OPA3: variants seen among roughly 807,000 people sequenced by gnomAD.
OPA3 encodes optic atrophy 3 protein.
Under a neutral mutation model 4.0 loss-of-function variants are expected in OPA3, and 6 were observed. The observed-to-expected ratio is 1.51, with a 90% CI of 0.83 to 2.99. The LOEUF is 2.99. OPA3 is among the 30% of genes most tolerant of loss of function. OPA3 has a pLI of 0.00. For missense variants in OPA3, 235 were observed against 256.2 expected, an observed-to-expected ratio of 0.92 and a Z score of 0.56; for synonymous variants, 105 against 117.1, an observed-to-expected ratio of 0.90 and a Z score of 0.67.
chr19:45,552,018 G>A lies in OPA3; in HGVS notation c.*1496C>T, dbSNP rs938973035. 6 of 985,508 alleles carry A rather than the reference G, an allele frequency of 6.1e-6. No homozygotes were observed. The highest frequency in any genetic ancestry group is 7.2e-6 in the Non-Finnish European group (6 of 830,124). 61.0% of individuals were successfully genotyped at this position (985,508 alleles called of 1,614,324 possible). ...GGGGCTGAGGCTGAAGGACAGGCTG[G>A]ATTAGCCCTAGTTAGGATCAAATTT... On this transcript the variant is annotated 3_prime_UTR_variant, in exon 2 of 2. Coordinates refer to ENST00000263275, the MANE Select transcript of OPA3 (RefSeq NM_025136.4).
At chr19:45,529,236 C>T (rs1437503815) in exon 2 of OPA3, 1 of 1,613,212 alleles carries the variant, frequency 6.2e-7, no homozygotes. Context: ...CGCCCCGCAG[C>T]GCCTCCCTGG....
downstream of OPA3, among the ~76,000 whole-genome samples, chr19:45,544,469 G>A (rs948251468): frequency 4.6e-5 from 7 of 152,144 alleles, no homozygotes; most frequent in Admixed American, 2.6e-4. Context: ...AGACCAGCCT[G>A]GCCAACACGA....
intron 1 of OPA3, among the ~76,000 whole-genome samples, chr19:45,565,022 C>A (rs917565088): frequency 6.7e-6 from 1 of 148,922 alleles, no homozygotes; most frequent in Non-Finnish European, 1.5e-5. Flanking sequence ...GTCAAGAGAT[C>A]GAGACCATCC....
In OPA3 at chr19:45,551,284, T is replaced by A. The variant is rs1394808809; in HGVS notation, c.*2230A>T. On this transcript the variant is annotated 3_prime_UTR_variant, in exon 2 of 2. Coordinates refer to ENST00000263275, the MANE Select transcript of OPA3 (RefSeq NM_025136.4). ...CCTGGACGCCAGCGTACTCTTGGGGTGAGGAGGAATAGTGGGCTGAATGGC... is the reference window on the plus strand; with the variant it reads ...CCTGGACGCCAGCGTACTCTTGGGGAGAGGAGGAATAGTGGGCTGAATGGC... 1 of 152,590 alleles carries A rather than the reference T, an allele frequency of 6.6e-6. No homozygotes were observed. The highest frequency in any genetic ancestry group is 1.5e-5 in the Non-Finnish European group (1 of 68,454). 9.5% of individuals were successfully genotyped at this position (152,590 alleles called of 1,614,324 possible).
chr19:45,540,440 AGCCCCAGCTACTT>A (rs1969171813), intron 1 of OPA3, among the ~76,000 whole-genome samples: 1 of 151,196 alleles, frequency 6.6e-6, no homozygotes, highest in Non-Finnish European at 1.5e-5. Flanking sequence ...TCATACCTGT[AGCCCCAGCTACTT>A]GGGGGGTTGA....
At chr19:45,572,397 T>C (rs1396881440) in intron 1 of OPA3, among the ~76,000 whole-genome samples, 2 of 112,382 alleles carry the variant, frequency 1.8e-5, no homozygotes, top group African/African-American at 3.5e-5. Context: ...TATATCAACA[T>C]ATGAGATTAT....
chr19:45,542,721 G>C (rs1032763546), downstream of OPA3, among the ~76,000 whole-genome samples: 9 of 149,028 alleles, frequency 6.0e-5, no homozygotes, highest in Non-Finnish European at 1.3e-4. Context: ...CCAGGCTAGA[G>C]GGCAGGCAGT....
rs1969027809 is a variant in OPA3, at chr19:45,529,090, GGCGGCGGGTC to G, written c.499_508del (p.Asp167LeufsTer46). ...GGACGCCGGCGCAACTGGGGGTGCA[GGCGGCGGGTC>G]TCGGAGGCAGAGGTGGGCTCGCACC... On this transcript the variant is annotated frameshift_variant, in exon 2 of 2. Transcript: ENST00000323060. LOFTEE classifies it low-confidence loss of function (END_TRUNC). 1 of 1,600,678 alleles carries G rather than the reference GGCGGCGGGTC, an allele frequency of 6.2e-7. No homozygotes were observed. The highest frequency in any genetic ancestry group is 1.7e-5 in the Admixed American group (1 of 59,300).
chr19:45,579,941 G>A (rs954628596), intron 1 of OPA3, among the ~76,000 whole-genome samples: 1 of 151,588 alleles, frequency 6.6e-6, no homozygotes, highest in Non-Finnish European at 1.5e-5. Context: ...ACCAGTCTGG[G>A]TAGGGATTCA....
chr19:45,544,874 T>C (rs1969228108), downstream of OPA3, among the ~76,000 whole-genome samples: 3 of 151,368 alleles, frequency 2.0e-5, no homozygotes, highest in Admixed American at 1.3e-4. Flanking sequence ...TCCCAGCTAC[T>C]TGGGAGGCTG....
intron 1 of OPA3, among the ~76,000 whole-genome samples, chr19:45,574,810 C>A (rs1568410128): frequency 1.3e-5 from 2 of 152,158 alleles, no homozygotes; most frequent in Non-Finnish European, 2.9e-5. Flanking sequence ...CTTAAATAAC[C>A]TGCAGCTTCT....
At chr19:45,536,373 G>A (rs564689093) in intron 1 of OPA3, among the ~76,000 whole-genome samples, 81 of 151,780 alleles carry the variant, frequency 5.3e-4, no homozygotes, top group Non-Finnish European at 7.7e-4. Context: ...GCAAAACCCC[G>A]TCTCTACTAA....
rs1221425042 is a variant in OPA3 at position 45,558,704 on chromosome 19, A to G, written c.143-4793T>C. Among the ~76,000 whole-genome samples, 4 of 151,246 alleles carry G rather than the reference A, an allele frequency of 2.6e-5. No homozygotes were observed. In the South Asian group the frequency reaches 8.4e-4, roughly 32 times the overall value. ...TACAGGGGATTTGTATGCAGTTTTTATTATTCTATGTTCTGCTGTTTTTTT... is the reference window on the plus strand; with the variant it reads ...TACAGGGGATTTGTATGCAGTTTTTGTTATTCTATGTTCTGCTGTTTTTTT... On this transcript the variant is annotated intron_variant, in intron 1 of 1. Transcript: ENST00000263275.
At position 45,550,219 on chromosome 19, in the gene OPA3, G is replaced by C. The variant is rs1969311980; in HGVS notation, c.*3295C>G. On this transcript the variant is annotated 3_prime_UTR_variant, in exon 2 of 2. Transcript: ENST00000263275. ...AGAAAAGTTTCAGAACCTGTTTCTT[G>C]GCTTTCTATCTGGGCAGATCTTGGT... 5.1e-6 allele frequency: 5 copies of C among 985,396 alleles called. No individual in the cohort carries two copies. Among genetic ancestry groups the C allele is most frequent in the Non-Finnish European group, 6.0e-6 (5 of 829,914 alleles). 61.0% of individuals were successfully genotyped at this position (985,396 alleles called of 1,614,324 possible).
At chr19:45,567,150 G>A (rs940492991) in intron 1 of OPA3, among the ~76,000 whole-genome samples, 4 of 151,836 alleles carry the variant, frequency 2.6e-5, no homozygotes, top group African/African-American at 7.3e-5. Flanking sequence ...GACCACTATC[G>A]GCAACTTAGT....
chr19:45,533,807 C>T (rs1969086405), intron 1 of OPA3, among the ~76,000 whole-genome samples: 1 of 152,170 alleles, frequency 6.6e-6, no homozygotes, highest in Non-Finnish European at 1.5e-5. Flanking sequence ...GTTGAACAAG[C>T]GGCTCCGTCC....
chr19:45,535,780 T>TC (rs1969110000), intron 1 of OPA3, among the ~76,000 whole-genome samples: 1 of 148,802 alleles, frequency 6.7e-6, no homozygotes, highest in African/African-American at 2.5e-5. Context: ...TTTTTTTTTT[T>TC]AAGAGTTGAG....
Position 45,546,499 on chromosome 19 carries a change from C to CT in OPA3, c.*7014dup, listed in dbSNP as rs944035967. On this transcript the variant is annotated 3_prime_UTR_variant, in exon 2 of 2. Transcript: ENST00000263275. ...CACACGATGGATTACATAAACTCTG[C>CT]TTTTTTTTTTTTTTGAGACAGGGTC... 40,906 of 463,348 alleles carry CT rather than the reference C, an allele frequency of 0.088. 1 individual carries two copies. The highest frequency in any genetic ancestry group is 0.1 in the Non-Finnish European group (37,552 of 359,574). The allele number at this position is 463,348 out of a possible 1,614,324, so 28.7% of individuals were successfully genotyped here. A position where few individuals can be genotyped will look rare whatever the true frequency, so the allele number is the denominator to read the frequency against.
chr19:45,529,081 G>C (rs1289223044), exon 2 of OPA3: 8 of 1,600,744 alleles, frequency 5.0e-6, no homozygotes, highest in South Asian at 4.4e-5. Flanking sequence ...CGGCGCAACT[G>C]GGGGTGCAGG....
Sources: allele counts gnomAD v4.1 joint callset (sites outside exome capture counted in the v4.1 genomes callset), GRCh38; gene constraint gnomAD v4.1.1; transcripts MANE v1.5; gene names NCBI Gene and HGNC (gene_info 2026-07-23, HGNC 2026-07-21).